Variants in ANXA3 observed in about 807,000 individuals in gnomAD.
ANXA3 encodes 35-alpha calcimedin.
A neutral mutation model predicts 48.8 loss-of-function variants in ANXA3; 46 were observed. That is an observed-to-expected ratio of 0.94 (90% CI 0.74 to 1.21). The LOEUF (loss-of-function observed/expected upper bound fraction) is 1.21, where lower values mean the gene tolerates loss of function less well. ANXA3 is among the 50% of genes most tolerant of loss of function. ANXA3 has a pLI of 0.00. For synonymous variants in ANXA3, 128 were observed against 134.7 expected, an observed-to-expected ratio of 0.95 and a Z score of 0.35; for missense variants, 383 against 378.6, an observed-to-expected ratio of 1.01 and a Z score of -0.10.
At chr4:78,596,172 G>C (rs1357279081) in intron 9 of ANXA3, among the ~76,000 whole-genome samples, 2 of 152,318 alleles carry the variant, frequency 1.3e-5, no homozygotes, top group Non-Finnish European at 2.9e-5. Context: ...TCTAGGGTGA[G>C]AGTAGAAGGG....
At chr4:78,564,620 C>T (rs972852433) in intron 2 of ANXA3, among the ~76,000 whole-genome samples, 3 of 152,192 alleles carry the variant, frequency 2.0e-5, no homozygotes, top group Non-Finnish European at 4.4e-5. Context: ...AGAGGTATTA[C>T]TCAATGCTGA....
chr4:78,559,931 A>G (rs1722591063), intron 2 of ANXA3, among the ~76,000 whole-genome samples: 1 of 152,224 alleles, frequency 6.6e-6, no homozygotes, highest in Non-Finnish European at 1.5e-5. Context: ...TTTTATTCTA[A>G]AATGTATTTC....
intron 12 of ANXA3, among the ~76,000 whole-genome samples, chr4:78,606,634 T>C (rs1163266893): frequency 6.6e-6 from 1 of 152,200 alleles, no homozygotes; most frequent in African/African-American, 2.4e-5. Flanking sequence ...TTTCTGCAGC[T>C]ATCTTGGGAA....
chr4:78,600,261 C>G (rs1303391146), intron 10 of ANXA3, among the ~76,000 whole-genome samples: 1 of 152,174 alleles, frequency 6.6e-6, no homozygotes, highest in Non-Finnish European at 1.5e-5. Flanking sequence ...AGCTTCCCTG[C>G]CTATGGTGCT....
chr4:78,573,965 T>G (rs1270216849), intron 3 of ANXA3, among the ~76,000 whole-genome samples: 5 of 152,214 alleles, frequency 3.3e-5, no homozygotes, highest in Non-Finnish European at 7.3e-5. Context: ...TATCAGCCCC[T>G]AGTTTCTGCA....
intron 2 of ANXA3, among the ~76,000 whole-genome samples, chr4:78,564,923 T>C (rs1722699233): frequency 6.6e-6 from 1 of 151,886 alleles, no homozygotes; most frequent in Admixed American, 6.6e-5. Flanking sequence ...TGCAGGGCCC[T>C]ATGGACCAGT....
intron 12 of ANXA3, among the ~76,000 whole-genome samples, chr4:78,605,991 C>T (rs1446183733): frequency 6.6e-6 from 1 of 152,224 alleles, no homozygotes; most frequent in African/African-American, 2.4e-5. Flanking sequence ...ATATGAAAGT[C>T]TCTAGTAAAT....
At chr4:78,578,720 A>T (rs545937625) in intron 3 of ANXA3, among the ~76,000 whole-genome samples, 1 of 152,274 alleles carries the variant, frequency 6.6e-6, no homozygotes, top group African/African-American at 2.4e-5. Context: ...CATAAAGGTA[A>T]AAAAGTCAAG....
intron 10 of ANXA3, 124 bp downstream of exon 10, chr4:78,597,538 A>T (rs1007913347): frequency 9.6e-6 from 6 of 622,304 alleles, no homozygotes; most frequent in Non-Finnish European, 1.7e-5. Flanking sequence ...AGCCCCCAAC[A>T]TGGTCCAGGA....
At chr4:78,601,424 G>T in intron 10 of ANXA3, 86 bp from the exon 11 acceptor site, 1 of 1,298,324 alleles carries the variant, frequency 7.7e-7, no homozygotes. Flanking sequence ...ACAGTCCAAA[G>T]AATCTTTTTA....
intron 7 of ANXA3, among the ~76,000 whole-genome samples, chr4:78,594,902 G>A (rs193156653): frequency 4.6e-4 from 70 of 152,286 alleles, no homozygotes; most frequent in African/African-American, 1.5e-3. Flanking sequence ...AGGAGGCTGA[G>A]GTGGGAGGAC....
At chr4:78,590,234 A>G (rs1209826540) in intron 6 of ANXA3, among the ~76,000 whole-genome samples, 1 of 152,236 alleles carries the variant, frequency 6.6e-6, no homozygotes, top group Non-Finnish European at 1.5e-5. Flanking sequence ...GGATAGATGT[A>G]ACAATATCAC....
At chr4:78,558,504 G>A (rs1560439471) in intron 2 of ANXA3, among the ~76,000 whole-genome samples, 1 of 152,148 alleles carries the variant, frequency 6.6e-6, no homozygotes, top group Non-Finnish European at 1.5e-5. Context: ...CTACAAAACT[G>A]TATACGTGAT....
chr4:78,553,552 T>C (rs58984466), intron 1 of ANXA3, among the ~76,000 whole-genome samples: 2,417 of 152,306 alleles, frequency 0.016, 61 homozygotes, highest in African/African-American at 0.055. Context: ...TGACTTCTGA[T>C]TTTTAGACTT....
chr4:78,554,179 C>G (rs1578388115), intron 1 of ANXA3: 1 of 331,036 alleles, frequency 3.0e-6, no homozygotes. Flanking sequence ...TTGTAAGCAT[C>G]TTAAGTACAA....
chr4:78,609,126 G>T (rs72607862), intron 12 of ANXA3, among the ~76,000 whole-genome samples: 27,399 of 152,030 alleles, frequency 0.18, 2,824 homozygotes, highest in African/African-American at 0.28. Context: ...TATATATAAA[G>T]GCCTATTGTG....
At chr4:78,588,325 T>C (rs937592108) in intron 6 of ANXA3, among the ~76,000 whole-genome samples, 1 of 149,680 alleles carries the variant, frequency 6.7e-6, no homozygotes, top group Non-Finnish European at 1.5e-5. Context: ...TCTAAGAGAT[T>C]GAGGCCACAG....
At chr4:78,606,619 G>A (rs941051244) in intron 12 of ANXA3, among the ~76,000 whole-genome samples, 7 of 152,118 alleles carry the variant, frequency 4.6e-5, no homozygotes, top group Non-Finnish European at 8.8e-5. Context: ...ATATTAGCCT[G>A]GGTCTTTCTG....
Position 78,591,139 on chromosome 4 carries a change from A to G in ANXA3, c.404-405A>G, listed in dbSNP as rs543864101. ...ACTGTACTAGCTAAGAGGAAAGCTG[A>G]GAAAGTAGTTTTTAAGCTGTGTACA... On this transcript the variant is annotated intron_variant, in intron 6 of 12. Coordinates refer to ENST00000264908, the MANE Select transcript of ANXA3 (RefSeq NM_005139.3). Among the ~76,000 whole-genome samples, 8 of 152,358 alleles carry G rather than the reference A, an allele frequency of 5.3e-5. 1 individual carries two copies. The South Asian group carries it at 1.7e-3, about 32-fold the overall frequency.
Sources: gnomAD v4.1 joint callset for allele counts (sites outside exome capture counted in the v4.1 genomes callset) on GRCh38, gnomAD v4.1.1 for gene constraint, MANE v1.5 for transcripts, NCBI Gene and HGNC (gene_info 2026-07-23, HGNC 2026-07-21) for gene names.